PTGIS: variants seen among roughly 807,000 people sequenced by gnomAD.
The protein encoded by PTGIS is prostacyclin synthase.
PTGIS carries 45 observed loss-of-function variants against 50.3 expected under a neutral mutation model. The observed-to-expected ratio is 0.90, with a 90% confidence interval of 0.70 to 1.15. The LOEUF is 1.15. Ranked by LOEUF, PTGIS falls within the 50% of genes most tolerant of loss-of-function variation. The probability of loss-of-function intolerance (pLI) is 0.00; values close to 1 mark genes in which losing one functional copy is unlikely to be tolerated. For missense variants in PTGIS, 668 were observed against 661.3 expected, an observed-to-expected ratio of 1.01 and a Z score of -0.11; for synonymous variants, 260 against 267.7, an observed-to-expected ratio of 0.97 and a Z score of 0.28.
intron 5 of PTGIS, among the ~76,000 whole-genome samples, chr20:49,527,301 A>T (rs1981816589): frequency 6.6e-6 from 1 of 151,534 alleles, no homozygotes. Flanking sequence ...AAAAAAAAAA[A>T]AAAAAATTAG....
intron 8 of PTGIS, among the ~76,000 whole-genome samples, chr20:49,512,829 GGA>G (rs1981360481): frequency 6.6e-6 from 1 of 152,100 alleles, no homozygotes; most frequent in South Asian, 2.1e-4. Context: ...AGAAGGCTGG[GGA>G]GAGAGTGGGG....
rs114536925 is a variant in PTGIS, at chr20:49,512,927, G to A, written c.1206+153C>T. On this transcript the variant is annotated intron_variant, in intron 8 of 9. Transcript: ENST00000244043. ...TGCTATTATGAGGTCCATTTCACAG[G>A]TGAGGAAGCAAACACAGAGAGGTGA... Among the ~76,000 whole-genome samples, 456 of 152,270 alleles carry A rather than the reference G, an allele frequency of 3.0e-3. 2 individuals are homozygous for A. Among genetic ancestry groups the A allele is most frequent in the African/African-American group, 0.011 (446 of 41,566 alleles).
At chr20:49,543,570 G>A (rs1982283941) in intron 4 of PTGIS, among the ~76,000 whole-genome samples, 1 of 152,128 alleles carries the variant, frequency 6.6e-6, no homozygotes. Flanking sequence ...TAGCCACACT[G>A]GCCGTCTCTC....
chr20:49,546,280 A>G (rs1231217859), intron 3 of PTGIS, among the ~76,000 whole-genome samples: 3 of 152,204 alleles, frequency 2.0e-5, no homozygotes, highest in Non-Finnish European at 4.4e-5. Flanking sequence ...CTCCCTGGGT[A>G]GCAGGGGCAG....
At chr20:49,521,712 G>A (rs564648162) in intron 6 of PTGIS, among the ~76,000 whole-genome samples, 8 of 152,182 alleles carry the variant, frequency 5.3e-5, no homozygotes, top group African/African-American at 9.7e-5. Flanking sequence ...TAAGCTGCAA[G>A]TCGATGGGAG....
At chr20:49,516,537 A>G (rs6019881) in intron 6 of PTGIS, among the ~76,000 whole-genome samples, 6,924 of 152,314 alleles carry the variant, frequency 0.045, 558 homozygotes, top group African/African-American at 0.16. Context: ...AGAGATGCTC[A>G]TGTTACAATA....
chr20:49,561,976 G>C (rs539151441), intron 1 of PTGIS, among the ~76,000 whole-genome samples: 195 of 152,238 alleles, frequency 1.3e-3, no homozygotes, highest in Non-Finnish European at 2.6e-3. Context: ...CCACACTGAG[G>C]ACTTTATCCC....
intron 8 of PTGIS, 131 bp from the exon 9 acceptor site, chr20:49,511,310 G>T: frequency 9.7e-7 from 1 of 1,027,100 alleles, no homozygotes; most frequent in Non-Finnish European, 1.5e-6. Flanking sequence ...CAGGTCAATT[G>T]ATAGGGGATT....
At chr20:49,521,337 G>T (rs138874648) in intron 6 of PTGIS, among the ~76,000 whole-genome samples, 1,557 of 152,272 alleles carry the variant, frequency 0.01, 23 homozygotes, top group African/African-American at 0.036. Context: ...CCTAGGCCAA[G>T]TACCCTCTTG....
chr20:49,559,435 C>A (rs1047823753), intron 1 of PTGIS, among the ~76,000 whole-genome samples: 1 of 152,204 alleles, frequency 6.6e-6, no homozygotes, highest in African/African-American at 2.4e-5. Flanking sequence ...TGTGAACTCA[C>A]TCTAAATTAT....
intron 5 of PTGIS, among the ~76,000 whole-genome samples, chr20:49,538,924 C>T (rs1039095895): frequency 2.6e-5 from 4 of 151,982 alleles, no homozygotes; most frequent in African/African-American, 2.4e-5. Context: ...TCAAGTGATC[C>T]GCCCACCTCA....
At chr20:49,524,559 T>C (rs1001686538) in intron 5 of PTGIS, among the ~76,000 whole-genome samples, 3 of 152,224 alleles carry the variant, frequency 2.0e-5, no homozygotes, top group African/African-American at 4.8e-5. Flanking sequence ...ATGCATTGTA[T>C]TAGTCTGTTT....
chr20:49,549,296 T>A (rs1179327522), intron 2 of PTGIS, among the ~76,000 whole-genome samples: 1 of 152,184 alleles, frequency 6.6e-6, no homozygotes, highest in Admixed American at 6.5e-5. Flanking sequence ...CATCCTCCCA[T>A]ATACTTTAAG....
intron 1 of PTGIS, among the ~76,000 whole-genome samples, chr20:49,562,218 A>T (rs561219512): frequency 6.6e-6 from 1 of 152,244 alleles, no homozygotes; most frequent in African/African-American, 2.4e-5. Context: ...TTTTGCAGAG[A>T]TATTCCAGAG....
chr20:49,510,829 C>A (rs1472408817), intron 9 of PTGIS, among the ~76,000 whole-genome samples, 199 bp downstream of exon 9: 1 of 152,338 alleles, frequency 6.6e-6, no homozygotes, highest in East Asian at 1.9e-4. Context: ...AATCCGAAAT[C>A]TGGCTTTTTT....
At chr20:49,566,779 C>G (rs1982909673) in intron 1 of PTGIS, among the ~76,000 whole-genome samples, 1 of 152,086 alleles carries the variant, frequency 6.6e-6, no homozygotes, top group Non-Finnish European at 1.5e-5. Flanking sequence ...GGTATGAAAA[C>G]TAAAGGCAAT....
intron 4 of PTGIS, 93 bp downstream of exon 4, chr20:49,544,212 C>T: frequency 1.3e-6 from 2 of 1,541,562 alleles, no homozygotes; most frequent in South Asian, 2.4e-5. Flanking sequence ...CCCCCACCCA[C>T]AGAGTCCTCA....
chr20:49,529,197 T>C (rs1981870859), intron 5 of PTGIS, among the ~76,000 whole-genome samples: 1 of 152,162 alleles, frequency 6.6e-6, no homozygotes, highest in Non-Finnish European at 1.5e-5. Flanking sequence ...ATTGTATACT[T>C]GTATATTAAA....
rs184572626 is a variant in PTGIS, at chr20:49,532,269, T to A, written c.673+7301A>T. ...TAAATTACAAATGTGATTCCCATTA[T>A]TTGTCTATGTACAGCACTGTTCTAG... On this transcript the variant is annotated intron_variant, in intron 5 of 9. Coordinates refer to ENST00000244043, the MANE Select transcript of PTGIS (RefSeq NM_000961.4). 4.6e-5 allele frequency among the ~76,000 whole-genome samples: 7 copies of A among 152,348 alleles called. No individual in the cohort carries two copies. In the East Asian group the frequency reaches 1.3e-3, roughly 29 times the overall value.
Sources: gnomAD v4.1 joint callset for allele counts (sites outside exome capture counted in the v4.1 genomes callset) on GRCh38, gnomAD v4.1.1 for gene constraint, MANE v1.5 for transcripts, NCBI Gene and HGNC (gene_info 2026-07-23, HGNC 2026-07-21) for gene names.